Variants in WWTR1 observed in about 807,000 individuals in gnomAD.
The protein encoded by WWTR1 is WW domain-containing transcription regulator protein 1.
Under a neutral mutation model 40.1 loss-of-function variants are expected in WWTR1, and 13 were observed. The observed-to-expected ratio is 0.32, with a 90% CI of 0.21 to 0.52. WWTR1 has a LOEUF of 0.52. Ranked by LOEUF, WWTR1 falls within the 20% of genes least tolerant of loss-of-function variation. The probability of loss-of-function intolerance (pLI) is 0.97; values close to 1 mark genes in which losing one functional copy is unlikely to be tolerated. For synonymous variants in WWTR1, 230 were observed against 210.1 expected, an observed-to-expected ratio of 1.09 and a Z score of -0.82; for missense variants, 436 against 523.1, an observed-to-expected ratio of 0.83 and a Z score of 1.63.
rs747763089 is a variant in WWTR1, at chr3:149,654,865, TGTAATTCCAGCACTTTGGGAG to T, written c.431+1990_431+2010del. On this transcript the variant is annotated intron_variant, in intron 2 of 6. Coordinates refer to ENST00000360632, the MANE Select transcript of WWTR1 (RefSeq NM_015472.6). ...GGGGCCAGGCGTGGTGGCTCACACC[TGTAATTCCAGCACTTTGGGAG>T]GCCGAGGCGGGCAGATCACGAGGTC... Among the ~76,000 whole-genome samples, 67 of 151,988 alleles carry T rather than the reference TGTAATTCCAGCACTTTGGGAG, an allele frequency of 4.4e-4. 1 individual carries two copies. Among genetic ancestry groups the T allele is most frequent in the Non-Finnish European group, 1.0e-4 (7 of 67,994 alleles).
intron 5 of WWTR1, among the ~76,000 whole-genome samples, chr3:149,712,880 T>C (rs1057237895): frequency 6.6e-6 from 1 of 152,206 alleles, no homozygotes; most frequent in African/African-American, 2.4e-5. Context: ...CTGCAAGATA[T>C]AGATATTATT....
At position 149,554,057 on chromosome 3, in the gene WWTR1, C is replaced by CA. The variant is rs557069067; in HGVS notation, c.569-11521dup. Reference sequence around the variant, plus strand: ...AGTATTAGCCATCCAACAAGGTCAGCAAAAAAAAAGCAGCTTTTCACTTCA... The same window carrying CA: ...AGTATTAGCCATCCAACAAGGTCAGCAAAAAAAAAAGCAGCTTTTCACTTCA... On this transcript the variant is annotated intron_variant, in intron 3 of 6. Coordinates refer to ENST00000360632, the MANE Select transcript of WWTR1 (RefSeq NM_015472.6). Among the ~76,000 whole-genome samples, 577 of 150,164 alleles carry CA rather than the reference C, an allele frequency of 3.8e-3. 14 individuals carry two copies. In the East Asian group the frequency reaches 0.062, roughly 16 times the overall value.
intron 3 of WWTR1, among the ~76,000 whole-genome samples, chr3:149,543,273 A>C (rs1376201934): frequency 1.3e-5 from 2 of 152,212 alleles, no homozygotes; most frequent in Non-Finnish European, 2.9e-5. Context: ...CAACCAGTGA[A>C]ATTTCAGCAT....
intron 4 of WWTR1, among the ~76,000 whole-genome samples, chr3:149,721,328 T>C (rs1715754046): frequency 1.3e-5 from 2 of 152,250 alleles, no homozygotes; most frequent in Non-Finnish European, 2.9e-5. Flanking sequence ...TTGAATTTTG[T>C]CAAATGCTTT....
At chr3:149,590,434 G>A (rs1285886099) in intron 2 of WWTR1, among the ~76,000 whole-genome samples, 1 of 152,154 alleles carries the variant, frequency 6.6e-6, no homozygotes, top group Non-Finnish European at 1.5e-5. Context: ...CGGGTCACCT[G>A]AGGTCAGGAG....
At chr3:149,546,550 A>G (rs1156396921) in intron 3 of WWTR1, among the ~76,000 whole-genome samples, 2 of 152,238 alleles carry the variant, frequency 1.3e-5, no homozygotes, top group Non-Finnish European at 2.9e-5. Flanking sequence ...CACACCTGAG[A>G]CCGGCAACAG....
chr3:149,662,986 C>T (rs1369128507), upstream of WWTR1, among the ~76,000 whole-genome samples: 1 of 152,112 alleles, frequency 6.6e-6, no homozygotes, highest in African/African-American at 2.4e-5. Context: ...TTGTTCTTGT[C>T]TTTTTCACTC....
intron 2 of WWTR1, among the ~76,000 whole-genome samples, chr3:149,619,250 A>G (rs1740150984): frequency 6.6e-6 from 1 of 152,176 alleles, no homozygotes. Context: ...GAAGAAAAAT[A>G]GCACTGTTCC....
At chr3:149,659,249 C>A (rs928436827), upstream of WWTR1, 1 of 151,836 alleles carries the variant, frequency 6.6e-6, no homozygotes, top group African/African-American at 2.4e-5. Context: ...TAAAGCACTT[C>A]GCACAGCACC....
chr3:149,567,775 C>A (rs1737401745), intron 3 of WWTR1, among the ~76,000 whole-genome samples: 1 of 152,134 alleles, frequency 6.6e-6, no homozygotes, highest in Non-Finnish European at 1.5e-5. Flanking sequence ...CACCATTTTA[C>A]AGATAAGGAA....
intron 3 of WWTR1, among the ~76,000 whole-genome samples, chr3:149,550,458 T>A (rs1027434211): frequency 3.9e-5 from 6 of 152,220 alleles, no homozygotes; most frequent in African/African-American, 1.4e-4. Flanking sequence ...GCAAGGCTGA[T>A]ATTCTTCTGG....
At chr3:149,524,493 A>T (rs1223757663) in intron 6 of WWTR1, among the ~76,000 whole-genome samples, 1 of 152,170 alleles carries the variant, frequency 6.6e-6, no homozygotes, top group African/African-American at 2.4e-5. Context: ...CAAAGATAGC[A>T]AAATAAATCT....
Position 149,692,156 on chromosome 3 carries a change from T to TA in WWTR1, c.-108+10967dup, listed in dbSNP as rs985885316. Among the ~76,000 whole-genome samples the TA allele has an allele frequency of 7.5e-3, 1,000 of 133,366 alleles. 12 individuals carry two copies. The highest frequency in any genetic ancestry group is 0.026 in the African/African-American group (918 of 35,420). 87.5% of individuals were successfully genotyped at this position (133,366 alleles called of 152,430 possible). On this transcript the variant is annotated intron_variant, in intron 1 of 7. Coordinates refer to the WWTR1 transcript ENST00000465804. Reference sequence around the variant, plus strand: ...ATACCAACACCAGACAAAGACACATTAAAAAAAAAAAGAGAGAAAGAAAAG... The same window carrying TA: ...ATACCAACACCAGACAAAGACACATTAAAAAAAAAAAAGAGAGAAAGAAAAG...
chr3:149,673,306 T>C (rs940013423), intron 1 of WWTR1, among the ~76,000 whole-genome samples: 2 of 152,234 alleles, frequency 1.3e-5, no homozygotes, highest in Non-Finnish European at 2.9e-5. Flanking sequence ...CGTAATTTCA[T>C]AGAAGTAGGT....
intron 4 of WWTR1, among the ~76,000 whole-genome samples, chr3:149,528,478 A>G (rs759737933): frequency 7.2e-5 from 11 of 152,148 alleles, no homozygotes; most frequent in Non-Finnish European, 1.5e-5. Flanking sequence ...CAAAACAATG[A>G]GTTGAAAGTT....
intron 2 of WWTR1, among the ~76,000 whole-genome samples, chr3:149,629,852 G>A (rs951883377): frequency 7.9e-5 from 12 of 152,066 alleles, no homozygotes; most frequent in African/African-American, 2.9e-4. Context: ...AAAACTTGAA[G>A]GGTATTATTA....
intron 4 of WWTR1, chr3:149,541,026 C>T (rs1215587069): frequency 5.3e-5 from 24 of 456,304 alleles, no homozygotes; most frequent in Non-Finnish European, 9.3e-5. Flanking sequence ...CTAACATGCT[C>T]GGTCCTTTCC....
chr3:149,628,356 G>A lies in WWTR1; in HGVS notation c.431+28520C>T, dbSNP rs149855132. Among the ~76,000 whole-genome samples the A allele has an allele frequency of 5.6e-3, 851 of 152,348 alleles. 1 individual carries two copies. Among genetic ancestry groups the A allele is most frequent in the Non-Finnish European group, 9.6e-3 (652 of 68,032 alleles). ...TGCACTCCAGCCTGGGCAACAGAGC[G>A]AGACTCCGTCTCAAAACAAATAAAC... On this transcript the variant is annotated intron_variant, in intron 2 of 6. Coordinates refer to ENST00000360632, the MANE Select transcript of WWTR1 (RefSeq NM_015472.6).
At chr3:149,591,409 TG>T (rs1185023819) in intron 2 of WWTR1, among the ~76,000 whole-genome samples, 1 of 152,220 alleles carries the variant, frequency 6.6e-6, no homozygotes, top group Non-Finnish European at 1.5e-5. Context: ...AATATCATAT[TG>T]CCTTTAGTTT....
Sources: allele counts gnomAD v4.1 joint callset (sites outside exome capture counted in the v4.1 genomes callset), GRCh38; gene constraint gnomAD v4.1.1; transcripts MANE v1.5; gene names NCBI Gene and HGNC (gene_info 2026-07-23, HGNC 2026-07-21).